PAK1IP1: variants seen among roughly 807,000 people sequenced by gnomAD.
The protein encoded by PAK1IP1 is PAK1 interacting protein 1, also known as p21-activated protein kinase-interacting protein 1.
PAK1IP1 carries 24 observed loss-of-function variants against 42.0 expected under a neutral mutation model. The ratio of observed to expected loss-of-function variants is 0.57; its 90% confidence interval spans 0.41 to 0.80. The LOEUF (loss-of-function observed/expected upper bound fraction) is 0.80, where lower values mean the gene tolerates loss of function less well. PAK1IP1 is among the 30% of genes least tolerant of loss of function. The pLI, the probability that PAK1IP1 is intolerant of heterozygous loss-of-function variation, is 0.00. For synonymous variants in PAK1IP1, 154 were observed against 156.7 expected, an observed-to-expected ratio of 0.98 and a Z score of 0.13; for missense variants, 411 against 467.9, an observed-to-expected ratio of 0.88 and a Z score of 1.12.
chr6:10,691,038 A>G (rs1769247587), upstream of PAK1IP1, among the ~76,000 whole-genome samples: 2 of 152,220 alleles, frequency 1.3e-5, no homozygotes, highest in African/African-American at 4.8e-5. Context: ...TTCAAGGCCG[A>G]GGACACATAA....
intron 2 of PAK1IP1, 108 bp from the exon 3 acceptor site, chr6:10,702,259 AAG>A: frequency 1.1e-6 from 1 of 884,342 alleles, no homozygotes; most frequent in Non-Finnish European, 1.7e-6. Flanking sequence ...AAAAAAGAAA[AAG>A]AAAAAAAGGT....
intron 8 of PAK1IP1, 98 bp from the exon 9 acceptor site, chr6:10,708,855 C>G: frequency 2.0e-6 from 2 of 987,310 alleles, no homozygotes; most frequent in Non-Finnish European, 3.0e-6. Context: ...ATATTTTGTA[C>G]TCAAGAAAAT....
At chr6:10,699,410 G>A (rs1769961454) in intron 2 of PAK1IP1, among the ~76,000 whole-genome samples, 1 of 152,076 alleles carries the variant, frequency 6.6e-6, no homozygotes, top group Non-Finnish European at 1.5e-5. Context: ...CCCAGGCTGT[G>A]GGTGTAGGGG....
At position 10,709,576 on chromosome 6, in the gene PAK1IP1, A is replaced by G. The variant is rs907109497; in HGVS notation, c.*124A>G. On this transcript the variant is annotated 3_prime_UTR_variant, in exon 10 of 10. Transcript: ENST00000379568. ...TTCCTTTGGAAAAAATATATATATT[A>G]AAAAACCACTTTTAGATGGTTTTTT... is the stretch of plus-strand genomic sequence containing the variant. 1.3e-5 allele frequency: 6 copies of G among 473,920 alleles called. No homozygotes were observed. The highest frequency in any genetic ancestry group is 8.2e-5 in the Admixed American group (2 of 24,314). 29.4% of individuals were successfully genotyped at this position (473,920 alleles called of 1,614,324 possible).
Position 10,702,624 on chromosome 6 carries a change from C to A in PAK1IP1, c.428C>A (p.Thr143Lys), listed in dbSNP as rs780830226. The change falls in exon 4 of 10, where the codon ACA (threonine) becomes AAA (lysine). Residue 143 changes from threonine (T) to lysine (K), a missense_variant. Physicochemically the swap from Thr to Lys is moderately conservative, Grantham distance 78. Transcript: ENST00000379568. ...PSGKLALSVG[T>K]DKTLRTWNLV... ...GGCAAGTTGGCCCTGTCGGTTGGTA[C>A]AGATAAAACTTTAAGGTAAGTCATT... The A allele has an allele frequency of 1.2e-6, 2 of 1,612,108 alleles. No homozygotes were observed. Among genetic ancestry groups the A allele is most frequent in the East Asian group, 4.5e-5 (2 of 44,876 alleles).
At chr6:10,696,009 C>T (rs1769822951) in intron 1 of PAK1IP1, among the ~76,000 whole-genome samples, 1 of 151,806 alleles carries the variant, frequency 6.6e-6, no homozygotes, top group African/African-American at 2.4e-5. Flanking sequence ...TCCAGACACA[C>T]AGTAGTCCTC....
rs1173256143 is a variant in PAK1IP1, at chr6:10,709,177, G to T, written c.965-61G>T. The T allele has an allele frequency of 2.6e-6, 4 of 1,523,344 alleles. No individual in the cohort carries two copies. In the African/African-American group the frequency reaches 5.6e-5, roughly 21 times the overall value. The allele number at this position is 1,523,344 out of a possible 1,614,324, so 94.4% of individuals were successfully genotyped here. A position where few individuals can be genotyped will look rare whatever the true frequency, so the allele number is the denominator to read the frequency against. On this transcript the variant is annotated intron_variant, in intron 9 of 9. Transcript: ENST00000379568. ...TAATTTCACTTTATTGACAGCTTGT[G>T]TTTATTTCATTCAAAGGGGAAAACA... is the stretch of plus-strand genomic sequence containing the variant.
intron 2 of PAK1IP1, among the ~76,000 whole-genome samples, chr6:10,701,499 G>C (rs1301660072): frequency 6.6e-6 from 1 of 152,196 alleles, no homozygotes; most frequent in Non-Finnish European, 1.5e-5. Context: ...ATTTTTCTAA[G>C]AGTTGCTAAT....
intron 5 of PAK1IP1, 26 bp downstream of exon 5, chr6:10,703,483 G>A: frequency 6.6e-7 from 1 of 1,520,162 alleles, no homozygotes; most frequent in Non-Finnish European, 9.1e-7. Context: ...TGAAATGCAG[G>A]TTGAGCATTC....
upstream of PAK1IP1, chr6:10,694,601 C>CTTGGTGTAG: frequency 1.7e-5 from 3 of 175,900 alleles, no homozygotes; most frequent in Admixed American, 1.2e-4. Flanking sequence ...AGCCCCTAAG[C>CTTGGTGTAG]AACCGGCCGG....
chr6:10,694,260 C>CAAAA (rs57435593), upstream of PAK1IP1, among the ~76,000 whole-genome samples: 279 of 62,468 alleles, frequency 4.5e-3, 3 homozygotes, highest in African/African-American at 0.014. Context: ...AACTCCGTCT[C>CAAAA]AAAAAAAAAA....
Position 10,709,383 on chromosome 6 carries a change from CAAG to C in PAK1IP1, c.1115_1117del (p.Lys372del). 2 of 1,612,730 alleles carry C rather than the reference CAAG, an allele frequency of 1.2e-6. No individual in the cohort carries two copies. Among genetic ancestry groups the C allele is most frequent in the Non-Finnish European group, 1.7e-6 (2 of 1,179,506 alleles). On this transcript the variant is annotated inframe_deletion, in exon 10 of 10. Coordinates refer to ENST00000379568, the MANE Select transcript of PAK1IP1 (RefSeq NM_017906.3). ...CAAAAGAAAGTGGCCTGATATCAAC[CAAG>C]AAGAGGAAAATGGTAGAAATGTTGG...
intron 8 of PAK1IP1, among the ~76,000 whole-genome samples, chr6:10,708,105 T>C (rs1770260996): frequency 6.6e-6 from 1 of 151,554 alleles, no homozygotes; most frequent in Admixed American, 6.6e-5. Context: ...CATGGAGTTG[T>C]ACAATCATAA....
upstream of PAK1IP1, among the ~76,000 whole-genome samples, chr6:10,691,436 TAGAACGGAACAGA>T (rs1769295769): frequency 6.6e-6 from 1 of 152,054 alleles, no homozygotes; most frequent in South Asian, 2.1e-4. Flanking sequence ...CACCGGTAAT[TAGAACGGAACAGA>T]ACAGGACAGG....
chr6:10,698,584 T>G (rs73436182), intron 2 of PAK1IP1, among the ~76,000 whole-genome samples: 12,323 of 151,982 alleles, frequency 0.081, 1,492 homozygotes, highest in African/African-American at 0.26. Flanking sequence ...AGAGAGCCAG[T>G]TAGAGACTGA....
chr6:10,692,789 G>C (rs1016743755), upstream of PAK1IP1, among the ~76,000 whole-genome samples: 3 of 152,148 alleles, frequency 2.0e-5, no homozygotes, highest in African/African-American at 4.8e-5. Context: ...CTCGCAAAGT[G>C]CTGGGATTAC....
rs748458637 is a variant in PAK1IP1 at position 10,707,472 on chromosome 6, G to T, written c.798G>T (p.Ser266=). 1 of 1,611,102 alleles carries T rather than the reference G, an allele frequency of 6.2e-7. No homozygotes were observed. The highest frequency in any genetic ancestry group is 8.5e-7 in the Non-Finnish European group (1 of 1,177,328). ...IPEHHVIVSA[S]SDGFIKMWKL... is the part of the protein sequence containing the mutation. ...AGCATCATGTTATTGTTTCAGCATCGAGTGATGGTTTCATCAAAATGTGGA... is the reference window on the plus strand; with the variant it reads ...AGCATCATGTTATTGTTTCAGCATCTAGTGATGGTTTCATCAAAATGTGGA... The change falls in exon 8 of 10, where the codon TCG becomes TCT. Residue 266 remains serine (S), a synonymous_variant. Coordinates refer to ENST00000379568, the MANE Select transcript of PAK1IP1 (RefSeq NM_017906.3).
chr6:10,692,541 A>C (rs1447524691), upstream of PAK1IP1, among the ~76,000 whole-genome samples: 10 of 152,118 alleles, frequency 6.6e-5, no homozygotes, highest in East Asian at 1.9e-3. Context: ...CCCTAATTCA[A>C]GCGATTCTCC....
chr6:10,705,453 C>CT (rs1770174462), intron 7 of PAK1IP1, among the ~76,000 whole-genome samples: 1 of 152,214 alleles, frequency 6.6e-6, no homozygotes, highest in Non-Finnish European at 1.5e-5. Flanking sequence ...ACTAAACAAT[C>CT]TTGAGCTTTG....
Sources: gnomAD v4.1 joint callset for allele counts (sites outside exome capture counted in the v4.1 genomes callset) on GRCh38, gnomAD v4.1.1 for gene constraint, MANE v1.5 for transcripts, NCBI Gene and HGNC (gene_info 2026-07-23, HGNC 2026-07-21) for gene names.